Variants in GATAD2A observed in about 807,000 individuals in gnomAD.
GATAD2A encodes the protein transcriptional repressor p66-alpha.
In GATAD2A, 12 loss-of-function variants were observed where a neutral mutation model predicts 68.5. That is an observed-to-expected ratio of 0.18 (90% CI 0.11 to 0.28). The LOEUF is 0.28. Ranked by LOEUF, GATAD2A falls within the 10% of genes least tolerant of loss-of-function variation. The pLI, the probability that GATAD2A is intolerant of heterozygous loss-of-function variation, is 1.00. For missense variants in GATAD2A, 755 were observed against 868.5 expected, an observed-to-expected ratio of 0.87 and a Z score of 1.64; for synonymous variants, 410 against 375.3, an observed-to-expected ratio of 1.09 and a Z score of -1.07.
chr19:19,412,309 C>T (rs529058888), intron 1 of GATAD2A, among the ~76,000 whole-genome samples: 60 of 151,872 alleles, frequency 4.0e-4, no homozygotes, highest in African/African-American at 1.3e-3. Flanking sequence ...GTGCCCGCCA[C>T]CACACCCGGC....
At chr19:19,412,380 T>G (rs2147132058) in intron 1 of GATAD2A, among the ~76,000 whole-genome samples, 1 of 151,884 alleles carries the variant, frequency 6.6e-6, no homozygotes, top group South Asian at 2.1e-4. Context: ...TGGTCTTGAT[T>G]TCTTGACCTT....
chr19:19,470,143 A>ATTTT (rs750710437), intron 2 of GATAD2A, among the ~76,000 whole-genome samples: 39 of 132,856 alleles, frequency 2.9e-4, no homozygotes, highest in South Asian at 2.2e-3. Flanking sequence ...CTGCGACTTT[A>ATTTT]TTTTTTTTTT....
chr19:19,480,179 G>A (rs2058959648), intron 2 of GATAD2A, among the ~76,000 whole-genome samples: 1 of 152,068 alleles, frequency 6.6e-6, no homozygotes, highest in African/African-American at 2.4e-5. Flanking sequence ...AAATTATTTG[G>A]GATTCTTCTG....
chr19:19,482,980 G>A (rs1236265667), intron 2 of GATAD2A, among the ~76,000 whole-genome samples: 3 of 152,052 alleles, frequency 2.0e-5, no homozygotes. Context: ...GCACGCCCCC[G>A]AGACTGGCCC....
At position 19,506,373 on chromosome 19, in the gene GATAD2A, G is replaced by A. The variant is rs1363518272; in HGVS notation, c.*899G>A. Reference sequence around the variant, plus strand: ...AAGCTGGAGGGGGGACTGTCGCGGGGTTTTTCTGTTGTGGTTTATTTTATT... The same window carrying A: ...AAGCTGGAGGGGGGACTGTCGCGGGATTTTTCTGTTGTGGTTTATTTTATT... On this transcript the variant is annotated 3_prime_UTR_variant, in exon 12 of 12. Transcript: ENST00000683918. The A allele has an allele frequency of 7.6e-5, 30 of 394,524 alleles. No individual in the cohort carries two copies. Among genetic ancestry groups the A allele is most frequent in the Non-Finnish European group, 3.6e-5 (8 of 223,964 alleles). 24.4% of individuals were successfully genotyped at this position (394,524 alleles called of 1,614,324 possible).
At position 19,428,863 on chromosome 19, in the gene GATAD2A, C is replaced by T. The variant is rs950942832; in HGVS notation, c.-7+22844C>T. 7.9e-5 allele frequency among the ~76,000 whole-genome samples: 12 copies of T among 152,262 alleles called. No individual in the cohort carries two copies. The East Asian group carries it at 1.7e-3, about 22-fold the overall frequency. On this transcript the variant is annotated intron_variant, in intron 1 of 11. Transcript: ENST00000683918. ...TCCCCACAGCTCCCCAAATAGCATG[C>T]CAGGGGTGGGGCAGGAGGGGGACAT...
chr19:19,472,839 A>G (rs1178583159), intron 2 of GATAD2A: 1 of 152,232 alleles, frequency 6.6e-6, no homozygotes, highest in African/African-American at 2.4e-5. Flanking sequence ...GTCAACTCTT[A>G]TTGGATTGTC....
chr19:19,461,997 C>T (rs1245300093), intron 1 of GATAD2A, among the ~76,000 whole-genome samples: 1 of 152,230 alleles, frequency 6.6e-6, no homozygotes, highest in Non-Finnish European at 1.5e-5. Flanking sequence ...GAACTTCCGC[C>T]ACCGGAGCTG....
At chr19:19,490,768 C>G (rs942706486) in intron 2 of GATAD2A, among the ~76,000 whole-genome samples, 1 of 152,154 alleles carries the variant, frequency 6.6e-6, no homozygotes, top group Admixed American at 6.5e-5. Flanking sequence ...TGCCTGTAAT[C>G]CAGCTACTCA....
intron 2 of GATAD2A, chr19:19,474,287 C>T (rs937452683): frequency 1.9e-5 from 7 of 371,090 alleles, no homozygotes; most frequent in Non-Finnish European, 2.6e-5. Flanking sequence ...CTGGTGTGCC[C>T]GAGACAGTGA....
chr19:19,458,287 T>A (rs1431590264), intron 1 of GATAD2A, among the ~76,000 whole-genome samples: 2 of 152,194 alleles, frequency 1.3e-5, no homozygotes, highest in Non-Finnish European at 2.9e-5. Context: ...GCCTGGAACG[T>A]CTCGCCTAAT....
intron 8 of GATAD2A, among the ~76,000 whole-genome samples, chr19:19,498,926 G>C (rs1253724923): frequency 6.6e-6 from 1 of 152,244 alleles, no homozygotes; most frequent in Non-Finnish European, 1.5e-5. Context: ...GCCAGGCCCC[G>C]AGAGGCTCAG....
intron 1 of GATAD2A, chr19:19,440,293 T>A (rs1201968363): frequency 4.4e-6 from 1 of 225,610 alleles, no homozygotes; most frequent in African/African-American, 2.4e-5. Context: ...TTTTTTGAGA[T>A]GGAGTCTTGC....
At chr19:19,475,488 C>CA (rs948212785) in intron 2 of GATAD2A, among the ~76,000 whole-genome samples, 6 of 42,768 alleles carry the variant, frequency 1.4e-4, no homozygotes, top group African/African-American at 4.8e-4. Flanking sequence ...TGGAGCCCCC[C>CA]CCCCTCCACT....
chr19:19,465,258 A>C, intron 1 of GATAD2A, 82 bp from the exon 2 acceptor site: 1 of 1,065,758 alleles, frequency 9.4e-7, no homozygotes, highest in Non-Finnish European at 1.4e-6. Flanking sequence ...GAAAACACTG[A>C]AAGCAACACT....
In GATAD2A at chr19:19,485,897, G is replaced by A. The variant is rs138603985; in HGVS notation, c.270-6409G>A. Among the ~76,000 whole-genome samples, 567 of 152,284 alleles carry A rather than the reference G, an allele frequency of 3.7e-3. 4 individuals carry two copies. Among genetic ancestry groups the A allele is most frequent in the African/African-American group, 0.013 (533 of 41,556 alleles). On this transcript the variant is annotated intron_variant, in intron 2 of 11. Coordinates refer to ENST00000683918, the MANE Select transcript of GATAD2A (RefSeq NM_001384528.1). ...CCAGGGTCTGTTGCTTTACAAAGAC[G>A]CACGATGACACACAATTCAGAAATC...
chr19:19,472,197 T>C (rs2058362717), intron 2 of GATAD2A, among the ~76,000 whole-genome samples: 1 of 151,810 alleles, frequency 6.6e-6, no homozygotes, highest in African/African-American at 2.4e-5. Flanking sequence ...ACCAGGCCGG[T>C]TCTTTCTGTT....
At chr19:19,430,978 T>G (rs186174466) in intron 1 of GATAD2A, among the ~76,000 whole-genome samples, 1,242 of 63,482 alleles carry the variant, frequency 0.02, 10 homozygotes, top group Middle Eastern at 0.026. Context: ...ATGGTAGGGG[T>G]GTGTGTGTGT....
chr19:19,406,501 C>G (rs1477262999), intron 1 of GATAD2A, among the ~76,000 whole-genome samples: 1 of 152,008 alleles, frequency 6.6e-6, no homozygotes, highest in Non-Finnish European at 1.5e-5. Flanking sequence ...GAATAAGAGT[C>G]CCCGCGCGCC....
Sources: gnomAD v4.1 joint callset for allele counts (sites outside exome capture counted in the v4.1 genomes callset) on GRCh38, gnomAD v4.1.1 for gene constraint, MANE v1.5 for transcripts, NCBI Gene and HGNC (gene_info 2026-07-23, HGNC 2026-07-21) for gene names.